Variants in PCDHA9 observed in about 807,000 individuals in gnomAD.
PCDHA9 encodes the protein protocadherin alpha 9.
Under a neutral mutation model 62.0 loss-of-function variants are expected in PCDHA9, and 62 were observed. The observed-to-expected ratio is 1.00, with a 90% confidence interval of 0.81 to 1.23. The LOEUF (loss-of-function observed/expected upper bound fraction) is 1.23. Among genes scored for constraint, PCDHA9 ranks in the 50% most tolerant of loss-of-function variants. The probability of loss-of-function intolerance (pLI) is 0.00; values close to 1 mark genes in which losing one functional copy is unlikely to be tolerated. For synonymous variants in PCDHA9, 557 were observed against 567.6 expected (o/e 0.98, Z 0.27); for missense variants, 1,205 against 1,249.8 (o/e 0.96, Z 0.54).
chr5:140,927,450 G>A (rs782619485), intron 1 of PCDHA9: 3 of 1,614,188 alleles, frequency 1.9e-6, no homozygotes, highest in South Asian at 1.1e-5. Context: ...CGGAGTTGGT[G>A]TTGGAGAAAG....
intron 1 of PCDHA9, among the ~76,000 whole-genome samples, chr5:140,977,937 T>C (rs1264352481): frequency 5.3e-5 from 8 of 152,162 alleles, no homozygotes; most frequent in African/African-American, 1.9e-4. Flanking sequence ...TATACCTCAA[T>C]ATTCAGTGAC....
chr5:141,009,298 T>C (rs1196659486), intron 3 of PCDHA9, among the ~76,000 whole-genome samples: 1 of 152,130 alleles, frequency 6.6e-6, no homozygotes, highest in Non-Finnish European at 1.5e-5. Context: ...CTATAAAATT[T>C]TTTTTAAAAA....
chr5:140,998,681 C>G (rs978884535), intron 3 of PCDHA9, among the ~76,000 whole-genome samples: 42 of 152,038 alleles, frequency 2.8e-4, no homozygotes, highest in Non-Finnish European at 1.6e-4. Context: ...TCTCCTGCCT[C>G]AGCCTCCCAA....
At chr5:140,919,940 A>C (rs1162813087) in intron 1 of PCDHA9, among the ~76,000 whole-genome samples, 3 of 152,064 alleles carry the variant, frequency 2.0e-5, no homozygotes, top group African/African-American at 7.2e-5. Context: ...GGCTAATTCC[A>C]GTGAAAAGTT....
At chr5:140,938,174 G>A (rs1394846002) in intron 1 of PCDHA9, among the ~76,000 whole-genome samples, 3 of 152,200 alleles carry the variant, frequency 2.0e-5, no homozygotes, top group Admixed American at 6.5e-5. Context: ...TGGAGCTCCT[G>A]GGCTCAAGCA....
chr5:140,902,734 C>T (rs1345954248), intron 1 of PCDHA9, among the ~76,000 whole-genome samples: 1 of 151,052 alleles, frequency 6.6e-6, no homozygotes, highest in Non-Finnish European at 1.5e-5. Flanking sequence ...CCCTCCAAGT[C>T]CCCCAAATCC....
intron 1 of PCDHA9, chr5:140,967,870 G>C (rs782622860): frequency 1.2e-6 from 2 of 1,614,152 alleles, no homozygotes; most frequent in Admixed American, 3.3e-5. Context: ...TGGTGCTCAC[G>C]GACCTGTATA....
Position 140,982,613 on chromosome 5 carries a change from A to G in PCDHA9, c.2542+50A>G, listed in dbSNP as rs201150239. ...CTTTCTTGGTTTCTGGAAAGTGATC[A>G]GATGACCTACTTTTGTAAGATCAGG... On this transcript the variant is annotated intron_variant, in intron 3 of 3. Transcript: ENST00000532602. 2.7e-5 allele frequency: 43 copies of G among 1,599,298 alleles called. No individual in the cohort carries two copies. The Admixed American group carries it at 7.0e-4, about 26-fold the overall frequency.
At chr5:140,898,445 G>GAA (rs1317860515) in intron 1 of PCDHA9, among the ~76,000 whole-genome samples, 7 of 152,126 alleles carry the variant, frequency 4.6e-5, no homozygotes, top group Admixed American at 3.3e-4. Flanking sequence ...ATTAAATAGG[G>GAA]AATCCTTTCC....
intron 2 of PCDHA9, 171 bp from the exon 3 acceptor site, chr5:140,982,304 C>G: frequency 8.0e-7 from 1 of 1,244,768 alleles, no homozygotes. Context: ...AGCAATGCTT[C>G]TGCAGTTTAT....
At chr5:140,864,296 A>T (rs1232211439) in intron 1 of PCDHA9, 1 of 152,194 alleles carries the variant, frequency 6.6e-6, no homozygotes, top group African/African-American at 2.4e-5. Context: ...TATGTATTCA[A>T]AAATACCATG....
intron 3 of PCDHA9, among the ~76,000 whole-genome samples, chr5:140,993,781 A>T (rs1587593339): frequency 6.6e-6 from 1 of 152,216 alleles, no homozygotes; most frequent in African/African-American, 2.4e-5. Flanking sequence ...TATTTTGTAC[A>T]GTAACATGCT....
chr5:140,884,563 T>TAAGACG (rs2060266286), intron 1 of PCDHA9: 9 of 1,614,032 alleles, frequency 5.6e-6, no homozygotes, highest in Non-Finnish European at 7.6e-6. Context: ...AGGGCCCGCA[T>TAAGACG]AAGACGGACC....
chr5:140,882,656 C>T, intron 1 of PCDHA9: 1 of 1,614,192 alleles, frequency 6.2e-7, no homozygotes, highest in Non-Finnish European at 8.5e-7. Flanking sequence ...TAACGACAAC[C>T]CGCCCATATT....
intron 1 of PCDHA9, chr5:140,929,124 C>T: frequency 6.2e-7 from 1 of 1,614,166 alleles, no homozygotes; most frequent in Non-Finnish European, 8.5e-7. Flanking sequence ...CCATAGATGT[C>T]ACTACAGTTG....
chr5:140,868,581 A>G (rs1554162109), intron 1 of PCDHA9: 1 of 152,846 alleles, frequency 6.5e-6, no homozygotes, highest in African/African-American at 2.4e-5. Flanking sequence ...ACTTTCAGGA[A>G]ATGTTTAACC....
intron 1 of PCDHA9, among the ~76,000 whole-genome samples, chr5:140,969,920 A>G (rs1554232150): frequency 6.6e-6 from 1 of 152,226 alleles, no homozygotes; most frequent in African/African-American, 2.4e-5. Flanking sequence ...ATAAAGCTGT[A>G]GTATTTAGAC....
intron 1 of PCDHA9, among the ~76,000 whole-genome samples, chr5:140,908,977 A>T (rs1461491727): frequency 6.6e-6 from 1 of 152,168 alleles, no homozygotes; most frequent in Non-Finnish European, 1.5e-5. Context: ...GCCCCACTCC[A>T]CTGGACCCCT....
intron 1 of PCDHA9, chr5:140,862,965 C>G (rs1358517266): frequency 1.8e-6 from 1 of 543,786 alleles, no homozygotes; most frequent in Admixed American, 1.9e-5. Flanking sequence ...TCAGTGGATG[C>G]AGGCCACTTG....
Sources: gnomAD v4.1 joint callset for allele counts (sites outside exome capture counted in the v4.1 genomes callset) on GRCh38, gnomAD v4.1.1 for gene constraint, MANE v1.5 for transcripts, NCBI Gene and HGNC (gene_info 2026-07-23, HGNC 2026-07-21) for gene names.